Variants in TMPRSS9 observed in about 807,000 individuals in gnomAD.
TMPRSS9 encodes the protein transmembrane serine protease 9, also known as transmembrane protease serine 9.
A neutral mutation model predicts 111.4 loss-of-function variants in TMPRSS9; 113 were observed. The ratio of observed to expected loss-of-function variants is 1.01; its 90% confidence interval spans 0.87 to 1.19. TMPRSS9 has a LOEUF of 1.19. Among genes scored for constraint, TMPRSS9 ranks in the 50% most tolerant of loss-of-function variants. TMPRSS9 has a pLI of 0.00. For missense variants in TMPRSS9, 1,803 were observed against 1,513.1 expected (o/e 1.19, Z -3.18); for synonymous variants, 805 against 659.1 (o/e 1.22, Z -3.39).
At chr19:2,379,634 T>TTTCTTTCTTTCC in intron 1 of TMPRSS9, among the ~76,000 whole-genome samples, 1 of 146,712 alleles carries the variant, frequency 6.8e-6, no homozygotes, top group African/African-American at 2.6e-5. Flanking sequence ...TCTTTCTTTC[T>TTTCTTTCTTTCC]TTCTTTCTTT....
intron 9 of TMPRSS9, among the ~76,000 whole-genome samples, chr19:2,412,903 G>T (rs954583458): frequency 6.6e-6 from 1 of 152,044 alleles, no homozygotes; most frequent in Non-Finnish European, 1.5e-5. Flanking sequence ...GTTTAAGAAT[G>T]TAAGAGTCGG....
intron 17 of TMPRSS9, 71 bp from the exon 19 acceptor site, chr19:2,425,856 G>A: frequency 3.3e-6 from 5 of 1,505,136 alleles, no homozygotes; most frequent in South Asian, 2.7e-5. Flanking sequence ...ACTCCTAGAG[G>A]GGCCAATGAC....
intron 10 of TMPRSS9, among the ~76,000 whole-genome samples, chr19:2,414,941 A>ATT (rs909082554): frequency 1.2e-3 from 148 of 127,148 alleles, no homozygotes; most frequent in Middle Eastern, 3.9e-3. Flanking sequence ...TTGCATTCCT[A>ATT]TTTTTTTTTT....
intron 15 of TMPRSS9, 64 bp from the exon 17 acceptor site, chr19:2,424,938 C>G (rs1971570995): frequency 7.2e-7 from 1 of 1,387,108 alleles, no homozygotes; most frequent in African/African-American, 1.5e-5. Flanking sequence ...CTGGGGGACA[C>G]CACAGGGGCG....
chr19:2,418,290 CCTTTCCTT>C lies in TMPRSS9; in HGVS notation c.2154+154_2154+161del, dbSNP rs1414480236. ...TGTCCTTCCCTCCTTTTCCTTTCCT[CCTTTCCTT>C]CCCTCCCTTTCCCTCCCTCCCTCCC... On this transcript the variant is annotated intron_variant, in intron 13 of 17. Transcript: ENST00000648592. 1.4e-5 allele frequency: 9 copies of C among 637,768 alleles called. 2 individuals are homozygous for C. Among genetic ancestry groups the C allele is most frequent in the Middle Eastern group, 3.8e-4 (1 of 2,636 alleles). 39.5% of individuals were successfully genotyped at this position (637,768 alleles called of 1,614,324 possible). A position where few individuals can be genotyped will look rare whatever the true frequency, so the allele number is the denominator to read the frequency against.
Position 2,377,079 on chromosome 19 carries a change from C to A in TMPRSS9, c.-25-12682C>A, listed in dbSNP as rs975371919. Among the ~76,000 whole-genome samples, 4 of 151,416 alleles carry A rather than the reference C, an allele frequency of 2.6e-5. No homozygotes were observed. In the South Asian group the frequency reaches 8.4e-4, roughly 32 times the overall value. ...CCCTTTCTGTTCACAGATCCCCACTCCTGGCTATCCGCATGCTGGTCATTT... is the reference window on the plus strand; with the variant it reads ...CCCTTTCTGTTCACAGATCCCCACTACTGGCTATCCGCATGCTGGTCATTT... On this transcript the variant is annotated intron_variant, in intron 1 of 17. Coordinates refer to the TMPRSS9 transcript ENST00000649857.
intron 9 of TMPRSS9, 142 bp from the exon 11 acceptor site, chr19:2,413,558 T>C (rs1014572079): frequency 3.3e-6 from 3 of 902,032 alleles, no homozygotes; most frequent in Non-Finnish European, 5.0e-6. Context: ...GAGATGTCAA[T>C]GATCAGCCCC....
chr19:2,391,510 T>C (rs375087324), intron 1 of TMPRSS9, among the ~76,000 whole-genome samples: 1 of 151,812 alleles, frequency 6.6e-6, no homozygotes, highest in Non-Finnish European at 1.5e-5. Context: ...TGTATTTGTG[T>C]GTTCATGAGT....
exon 16 of TMPRSS9, chr19:2,425,048 C>G: frequency 6.4e-7 from 1 of 1,561,096 alleles, no homozygotes; most frequent in Non-Finnish European, 8.6e-7. Flanking sequence ...CACGCCGTTC[C>G]TGAGCGGCGC....
chr19:2,398,967 C>T, intron 3 of TMPRSS9, 51 bp from the exon 5 acceptor site: 1 of 1,575,618 alleles, frequency 6.3e-7, no homozygotes, highest in Non-Finnish European at 8.6e-7. Flanking sequence ...CAGAAGATTC[C>T]AGCAGGGCGG....
rs116865026 is a variant in TMPRSS9 at position 2,392,714 on chromosome 19, T to C, written c.142+2787T>C. On this transcript the variant is annotated intron_variant, in intron 1 of 17. Coordinates refer to ENST00000648592, the Ensembl canonical transcript of TMPRSS9. ...ATAACTTTTATGTCTAACTAGAGGA[T>C]TGTAAATGCACCAATAAGCACTCTG... 8.1e-3 allele frequency among the ~76,000 whole-genome samples: 1,236 copies of C among 152,302 alleles called. 10 individuals carry two copies. Among genetic ancestry groups the C allele is most frequent in the Non-Finnish European group, 0.015 (1,016 of 68,032 alleles).
chr19:2,425,382 G>A (rs1242496284), exon 17 of TMPRSS9: 5 of 1,542,916 alleles, frequency 3.2e-6, no homozygotes, highest in East Asian at 5.0e-5. Context: ...AGCTGCAGAA[G>A]GCGGCCGTGC....
At chr19:2,426,106 AG>A (rs1568196492) in exon 18 of TMPRSS9, 4 of 1,534,684 alleles carry the variant, frequency 2.6e-6, no homozygotes, top group Non-Finnish European at 2.6e-6. Context: ...GTGACTGCCC[AG>A]GCCGAGACTC....
chr19:2,421,991 G>C (rs1971474888), exon 14 of TMPRSS9: 2 of 1,613,134 alleles, frequency 1.2e-6, no homozygotes, highest in Non-Finnish European at 1.7e-6. Context: ...TAAAGGGCTG[G>C]ATCCTGGAGA....
chr19:2,396,639 C>T, exon 2 of TMPRSS9: 2 of 1,607,458 alleles, frequency 1.2e-6, no homozygotes, highest in African/African-American at 1.3e-5. Flanking sequence ...ACTATCACCG[C>T]ACGCTGACGC....
At position 2,363,644 on chromosome 19, in the gene TMPRSS9, G is replaced by A. The variant is rs186119502; in HGVS notation, c.-26+3284G>A. ...CTGGACCCTGGGTGCCGACACTGGG[G>A]CAGGGTTTAGAGCTCCCGGCCCTGC... On this transcript the variant is annotated intron_variant, in intron 1 of 17. Coordinates refer to the TMPRSS9 transcript ENST00000649857. 2.5e-3 allele frequency among the ~76,000 whole-genome samples: 382 copies of A among 151,804 alleles called. 2 individuals carry two copies. The highest frequency in any genetic ancestry group is 0.01 in the Middle Eastern group (3 of 294).
At chr19:2,416,637 C>T (rs928540971) in exon 12 of TMPRSS9, 2 of 1,612,770 alleles carry the variant, frequency 1.2e-6, no homozygotes, top group African/African-American at 1.3e-5. Context: ...TAGTGCTGCA[C>T]CCCCTCTACA....
intron 1 of TMPRSS9, among the ~76,000 whole-genome samples, chr19:2,365,552 G>C (rs554408694): frequency 6.6e-6 from 1 of 151,948 alleles, no homozygotes; most frequent in African/African-American, 2.4e-5. Context: ...ATGCGGAATC[G>C]AATGGGATGG....
intron 14 of TMPRSS9, among the ~76,000 whole-genome samples, chr19:2,423,467 T>C (rs1006762872): frequency 8.7e-5 from 2 of 22,862 alleles, no homozygotes; most frequent in African/African-American, 3.5e-4. Context: ...TGGTGGGGGG[T>C]GGGGGGCGGG....
Sources: gnomAD v4.1 joint callset for allele counts (sites outside exome capture counted in the v4.1 genomes callset) on GRCh38, gnomAD v4.1.1 for gene constraint, MANE v1.5 for transcripts, NCBI Gene and HGNC (gene_info 2026-07-23, HGNC 2026-07-21) for gene names.